Variants in KDM1A observed in about 807,000 individuals in gnomAD.
KDM1A encodes the protein lysine-specific histone demethylase 1A.
In KDM1A, 49 loss-of-function variants were observed where a neutral mutation model predicts 109.4. The ratio of observed to expected loss-of-function variants is 0.45; its 90% CI spans 0.36 to 0.57. The LOEUF is 0.57. KDM1A is among the 20% of genes least tolerant of loss of function. The pLI is 0.00. For synonymous variants in KDM1A, 380 were observed against 415.4 expected (o/e 0.91, Z 1.04); for missense variants, 668 against 1,116.6 (o/e 0.60, Z 5.73).
intron 9 of KDM1A, among the ~76,000 whole-genome samples, chr1:23,064,040 C>T (rs899854261): frequency 3.3e-5 from 5 of 152,166 alleles, no homozygotes; most frequent in African/African-American, 1.2e-4. Context: ...GCACACACCC[C>T]TACACCTGGC....
Position 23,044,471 on chromosome 1 carries a change from G to C in KDM1A, c.562G>C (p.Asp188His). The change falls in exon 3 of 21, where the codon GAC becomes CAC. Residue 188 changes from aspartate to histidine, a missense_variant. This residue lies in a region of KDM1A where 149 missense variants were observed against 189.7 expected (regional missense o/e 0.79). Coordinates refer to ENST00000400181, the MANE Select transcript of KDM1A (RefSeq NM_001009999.3). ...LQDDSSGGYG[D>H]GQASGVEGAA... Reference sequence around the variant, plus strand: ...AGACGACAGTTCTGGAGGGTATGGAGACGGCCAAGCATCAGGTGAGGGTGG... The same window carrying C: ...AGACGACAGTTCTGGAGGGTATGGACACGGCCAAGCATCAGGTGAGGGTGG... 6.2e-7 allele frequency: 1 copy of C among 1,611,660 alleles called. No individual in the cohort carries two copies. Among genetic ancestry groups the C allele is most frequent in the Non-Finnish European group, 8.5e-7 (1 of 1,179,394 alleles).
At chr1:23,044,143 T>G (rs1212062260) in intron 2 of KDM1A, among the ~76,000 whole-genome samples, 1 of 152,174 alleles carries the variant, frequency 6.6e-6, no homozygotes, top group Non-Finnish European at 1.5e-5. Context: ...AGACTATTAA[T>G]ATTAAATAAG....
intron 2 of KDM1A, among the ~76,000 whole-genome samples, chr1:23,043,771 G>A (rs1330971482): frequency 6.6e-6 from 1 of 152,204 alleles, no homozygotes; most frequent in Non-Finnish European, 1.5e-5. Context: ...TGAAGTAGAA[G>A]ATTCAAGATC....
chr1:23,050,668 A>G (rs1480516777), intron 4 of KDM1A, 148 bp downstream of exon 4: 1 of 640,820 alleles, frequency 1.6e-6, no homozygotes, highest in Non-Finnish European at 2.3e-6. Flanking sequence ...GTTAATAGTT[A>G]TTTTTCATTT....
intron 1 of KDM1A, among the ~76,000 whole-genome samples, chr1:23,020,887 A>T (rs1047205634): frequency 2.6e-5 from 4 of 152,214 alleles, no homozygotes; most frequent in Non-Finnish European, 5.9e-5. Context: ...CACATGGGAC[A>T]CTGTGTGCAG....
Position 23,057,826 on chromosome 1 carries a change from CAG to C in KDM1A, c.1072+264_1072+265del, listed in dbSNP as rs768811118. On this transcript the variant is annotated intron_variant, in intron 8 of 20. Transcript: ENST00000400181. The stretch of plus-strand genomic sequence containing the variant: ...TTTTTTTTTTTTTTTTTTTGTGAGA[CAG>C]AGTCTCGCTCTGTCACCCAGGCTGG... 7.4e-4 allele frequency: 144 copies of C among 195,096 alleles called. 1 individual carries two copies. Among genetic ancestry groups the C allele is most frequent in the Admixed American group, 1.5e-3 (17 of 11,192 alleles). 12.1% of individuals were successfully genotyped at this position (195,096 alleles called of 1,614,324 possible). A position where few individuals can be genotyped will look rare whatever the true frequency, so the allele number is the denominator to read the frequency against.
intron 8 of KDM1A, among the ~76,000 whole-genome samples, chr1:23,058,717 G>A (rs561764818): frequency 6.6e-6 from 1 of 152,266 alleles, no homozygotes; most frequent in South Asian, 2.1e-4. Flanking sequence ...GAAATATACA[G>A]CCACTAAAAA....
rs1312433945 is a variant in KDM1A at position 23,030,561 on chromosome 1, A to G, written c.444A>G (p.Glu148=). The change falls in exon 2 of 21, where the codon GAA becomes GAG. Residue 148 remains glutamate, a synonymous_variant. Transcript: ENST00000400181. ...AGAGAAATGCCAAAGCAGAGAAGGA[A>G]AAGAAGCTTCCCCCACCACCCCCTC... ...EEERNAKAEK[E]KKLPPPPPQA... 1.9e-6 allele frequency: 3 copies of G among 1,612,270 alleles called. No individual in the cohort carries two copies. The highest frequency in any genetic ancestry group is 1.3e-5 in the African/African-American group (1 of 74,766).
chr1:23,042,784 T>G (rs137993948), intron 2 of KDM1A, among the ~76,000 whole-genome samples: 22,438 of 151,262 alleles, frequency 0.15, 1,730 homozygotes, highest in Middle Eastern at 0.27. Context: ...AGTCTTGCTC[T>G]GTCGCCCAGG....
intron 1 of KDM1A, among the ~76,000 whole-genome samples, chr1:23,024,206 T>G (rs1331046975): frequency 6.6e-6 from 1 of 152,162 alleles, no homozygotes; most frequent in Non-Finnish European, 1.5e-5. Flanking sequence ...ACTTACCCTG[T>G]TTTTTAATCC....
intron 1 of KDM1A, among the ~76,000 whole-genome samples, chr1:23,027,514 C>A (rs1431618457): frequency 6.8e-6 from 1 of 147,510 alleles, no homozygotes; most frequent in African/African-American, 2.5e-5. Context: ...CCCCCCCGCC[C>A]CCACCAGGTT....
chr1:23,037,784 AC>A (rs1386853704), intron 2 of KDM1A, among the ~76,000 whole-genome samples: 4 of 152,222 alleles, frequency 2.6e-5, no homozygotes, highest in African/African-American at 9.6e-5. Context: ...ATCAGATGCT[AC>A]AAGTTTATGT....
At chr1:23,031,199 T>C (rs1409424197) in intron 2 of KDM1A, among the ~76,000 whole-genome samples, 1 of 152,204 alleles carries the variant, frequency 6.6e-6, no homozygotes, top group Non-Finnish European at 1.5e-5. Flanking sequence ...TTCAAACAGC[T>C]TTAAAGAATT....
At chr1:23,028,074 T>A (rs1641865340) in intron 1 of KDM1A, among the ~76,000 whole-genome samples, 1 of 152,202 alleles carries the variant, frequency 6.6e-6, no homozygotes, top group Non-Finnish European at 1.5e-5. Flanking sequence ...GTGTATTCCT[T>A]GTTAATTATT....
chr1:23,031,747 G>C (rs1641987959), intron 2 of KDM1A, among the ~76,000 whole-genome samples: 1 of 152,114 alleles, frequency 6.6e-6, no homozygotes, highest in African/African-American at 2.4e-5. Flanking sequence ...TTGTAATAAA[G>C]TGTACTAAAG....
At chr1:23,082,437 T>A in intron 20 of KDM1A, 71 bp downstream of exon 20, 1 of 1,471,628 alleles carries the variant, frequency 6.8e-7, no homozygotes, top group Non-Finnish European at 9.1e-7. Context: ...CTGATTTTTT[T>A]TTTTTTTTTC....
Position 23,082,378 on chromosome 1 carries a change from G to C in KDM1A, c.2445+12G>C. Reference sequence around the variant, plus strand: ...CAGGTGCCCCACAGGTGAGAAGCTGGCAAACTATCTGGGCTTATTTGGGAA... The same window carrying C: ...CAGGTGCCCCACAGGTGAGAAGCTGCCAAACTATCTGGGCTTATTTGGGAA... On this transcript the variant is annotated intron_variant, in intron 20 of 20. Transcript: ENST00000400181. 1 of 1,607,262 alleles carries C rather than the reference G, an allele frequency of 6.2e-7. No individual in the cohort carries two copies. The highest frequency in any genetic ancestry group is 1.3e-5 in the African/African-American group (1 of 74,468).
intron 10 of KDM1A, 122 bp from the exon 11 acceptor site, chr1:23,068,417 C>A: frequency 1.4e-6 from 1 of 725,040 alleles, no homozygotes; most frequent in Non-Finnish European, 2.1e-6. Context: ...AATCATTGTG[C>A]TCAAAGGTTT....
At chr1:23,028,473 A>G (rs1408519385) in intron 1 of KDM1A, among the ~76,000 whole-genome samples, 6 of 152,250 alleles carry the variant, frequency 3.9e-5, no homozygotes, top group Non-Finnish European at 7.3e-5. Flanking sequence ...CTGAACTACA[A>G]TAGAAAAGAT....
Sources: gnomAD v4.1 joint callset for allele counts (sites outside exome capture counted in the v4.1 genomes callset) on GRCh38, gnomAD v4.1.1 for gene constraint, gnomAD v4.1.1 regional missense constraint, MANE v1.5 for transcripts, NCBI Gene and HGNC (gene_info 2026-07-23, HGNC 2026-07-21) for gene names.